AVEN: variants seen among roughly 807,000 people sequenced by gnomAD.
The protein encoded by AVEN is cell death regulator Aven.
AVEN carries 41 observed loss-of-function variants against 38.1 expected under a neutral mutation model. The observed-to-expected ratio is 1.08, with a 90% confidence interval of 0.84 to 1.40. The LOEUF (loss-of-function observed/expected upper bound fraction) is 1.40. AVEN is among the 40% of genes most tolerant of loss of function. The pLI, the probability that AVEN is intolerant of heterozygous loss-of-function variation, is 0.00. For synonymous variants in AVEN, 206 were observed against 171.8 expected (o/e 1.20, Z -1.56); for missense variants, 605 against 438.8 (o/e 1.38, Z -3.38).
intron 1 of AVEN, among the ~76,000 whole-genome samples, chr15:34,004,081 C>T (rs894287232): frequency 1.3e-5 from 2 of 152,026 alleles, no homozygotes; most frequent in Non-Finnish European, 2.9e-5. Flanking sequence ...GTTCAGGTAG[C>T]GTCTGTGTGA....
At chr15:33,949,871 G>A (rs986484042) in intron 2 of AVEN, among the ~76,000 whole-genome samples, 2 of 152,034 alleles carry the variant, frequency 1.3e-5, no homozygotes, top group East Asian at 1.9e-4. Flanking sequence ...CTGGGTATAC[G>A]GCCAAAATGA....
In AVEN at chr15:33,960,443, TGAGAGAGA is replaced by T. The variant is rs57914477; in HGVS notation, c.445+42581_445+42588del. Among the ~76,000 whole-genome samples the T allele has an allele frequency of 3.3e-5, 5 of 150,686 alleles. No homozygotes were observed. In the South Asian group the frequency reaches 6.3e-4, roughly 19 times the overall value. On this transcript the variant is annotated intron_variant, in intron 2 of 5. Coordinates refer to ENST00000306730, the MANE Select transcript of AVEN (RefSeq NM_020371.3). ...CTCGTGTGTGTGTGTGTTGTGTGTG[TGAGAGAGA>T]GAGAGAGAGATTTTGTTGCCACTTC...
intron 2 of AVEN, among the ~76,000 whole-genome samples, chr15:33,902,535 T>C (rs544842553): frequency 1.3e-5 from 2 of 152,310 alleles, no homozygotes; most frequent in South Asian, 4.1e-4. Context: ...AAGGCAGGGA[T>C]GCCCATTTCT....
At chr15:33,952,464 A>C (rs1310992325) in intron 2 of AVEN, among the ~76,000 whole-genome samples, 3 of 152,150 alleles carry the variant, frequency 2.0e-5, no homozygotes, top group Admixed American at 1.3e-4. Flanking sequence ...ATCCACTGTA[A>C]TTTCAGTATT....
At chr15:34,073,519 C>CTTTTTTTTTTTTTTTT (rs10617421) in intron 1 of AVEN, among the ~76,000 whole-genome samples, 1 of 88,512 alleles carries the variant, frequency 1.1e-5, no homozygotes, top group Non-Finnish European at 2.2e-5. Context: ...TTTCTTTTTT[C>CTTTTTTTTTTTTTTTT]TTTTTTTTTT....
At chr15:33,940,433 C>T (rs556452592) in intron 2 of AVEN, among the ~76,000 whole-genome samples, 1 of 152,184 alleles carries the variant, frequency 6.6e-6, no homozygotes, top group African/African-American at 2.4e-5. Flanking sequence ...GCCAGCTCAT[C>T]CCCAGTACTG....
Position 33,983,156 on chromosome 15 carries a change from G to A in AVEN, c.445+19876C>T, listed in dbSNP as rs931517505. On this transcript the variant is annotated intron_variant, in intron 2 of 5. Transcript: ENST00000306730. ...TGTGTGTGTGTGTGTGTGTGTGTGT[G>A]TGTATGTGTGTGTGTATATATACAC... 1.0e-3 allele frequency among the ~76,000 whole-genome samples: 105 copies of A among 102,410 alleles called. 1 individual carries two copies. The highest frequency in any genetic ancestry group is 5.2e-3 in the Middle Eastern group (1 of 192). 67.2% of individuals were successfully genotyped at this position (102,410 alleles called of 152,430 possible). A position where few individuals can be genotyped will look rare whatever the true frequency, so the allele number is the denominator to read the frequency against.
At chr15:33,924,077 C>A (rs902471257) in intron 2 of AVEN, among the ~76,000 whole-genome samples, 1 of 151,994 alleles carries the variant, frequency 6.6e-6, no homozygotes, top group Non-Finnish European at 1.5e-5. Context: ...ACTATCCCCC[C>A]CTTTTCTGGT....
At chr15:33,957,192 A>AT (rs1301506093) in intron 2 of AVEN, among the ~76,000 whole-genome samples, 1 of 152,184 alleles carries the variant, frequency 6.6e-6, no homozygotes, top group Non-Finnish European at 1.5e-5. Flanking sequence ...AATGAACTAC[A>AT]TTTTTTAAAT....
At chr15:33,864,972 C>G (rs1249090502), downstream of AVEN, 1 of 566,500 alleles carries the variant, frequency 1.8e-6, no homozygotes. Context: ...GCTTCCCAAA[C>G]AGCCTGTGCT....
intron 2 of AVEN, among the ~76,000 whole-genome samples, chr15:33,946,354 TC>T: frequency 6.6e-6 from 1 of 151,918 alleles, no homozygotes; most frequent in Non-Finnish European, 1.5e-5. Flanking sequence ...AGTTAGTCAC[TC>T]CCCCTCATCT....
intron 5 of AVEN, among the ~76,000 whole-genome samples, chr15:34,062,352 G>C (rs1410914380): frequency 6.6e-6 from 1 of 151,948 alleles, no homozygotes; most frequent in African/African-American, 2.4e-5. Flanking sequence ...TCAGGAGATC[G>C]AGACCATCCC....
downstream of AVEN, chr15:33,865,316 G>C (rs192105906): frequency 5.8e-6 from 5 of 863,900 alleles, no homozygotes; most frequent in Non-Finnish European, 9.0e-6. Flanking sequence ...TATCTGAAAT[G>C]TGACATTTTC....
upstream of AVEN, among the ~76,000 whole-genome samples, chr15:34,039,779 G>C (rs1172637437): frequency 6.6e-6 from 1 of 152,190 alleles, no homozygotes. Context: ...ACAGCTCTAT[G>C]AGGTAGGGAT....
chr15:33,975,664 G>A (rs1258134940), intron 2 of AVEN, among the ~76,000 whole-genome samples: 1 of 152,108 alleles, frequency 6.6e-6, no homozygotes, highest in Non-Finnish European at 1.5e-5. Context: ...GGGCACGGTG[G>A]CTCACGCCTG....
At chr15:34,039,320 AT>A (rs2140799449), upstream of AVEN, 1 of 163,090 alleles carries the variant, frequency 6.1e-6, no homozygotes, top group Non-Finnish European at 1.3e-5. Flanking sequence ...GGGCGGGGGG[AT>A]TCTCAAGGCA....
At chr15:34,014,036 C>T (rs1157101157) in intron 1 of AVEN, among the ~76,000 whole-genome samples, 3 of 151,926 alleles carry the variant, frequency 2.0e-5, no homozygotes, top group Non-Finnish European at 4.4e-5. Context: ...AAACAAAACC[C>T]GGGGAGATCA....
intron 2 of AVEN, among the ~76,000 whole-genome samples, chr15:33,976,103 C>A (rs748548691): frequency 7.2e-5 from 11 of 152,134 alleles, no homozygotes; most frequent in Non-Finnish European, 1.5e-4. Context: ...TAAGCTTGAA[C>A]CTCCATATAT....
At chr15:33,935,542 G>GTA (rs1202393588) in intron 2 of AVEN, among the ~76,000 whole-genome samples, 6 of 151,708 alleles carry the variant, frequency 4.0e-5, no homozygotes, top group Admixed American at 1.3e-4. Context: ...ATATGTGTGT[G>GTA]TATATATATA....
Sources: gnomAD v4.1 joint callset for allele counts (sites outside exome capture counted in the v4.1 genomes callset) on GRCh38, gnomAD v4.1.1 for gene constraint, MANE v1.5 for transcripts, NCBI Gene and HGNC (gene_info 2026-07-23, HGNC 2026-07-21) for gene names.